Variants in DUSP3 observed in about 807,000 individuals in gnomAD.
DUSP3 encodes dual specificity protein phosphatase 3.
A neutral mutation model predicts 15.5 loss-of-function variants in DUSP3; 7 were observed. The observed-to-expected ratio is 0.45, with a 90% CI of 0.26 to 0.85. The LOEUF is 0.85. DUSP3 is among the 40% of genes least tolerant of loss of function. The probability of loss-of-function intolerance (pLI) is 0.18; values close to 1 mark genes in which losing one functional copy is unlikely to be tolerated. For missense variants in DUSP3, 209 were observed against 251.7 expected (o/e 0.83, Z 1.15); for synonymous variants, 86 against 104.2 (o/e 0.83, Z 1.07).
chr17:43,777,679 C>T (rs1974406406), intron 1 of DUSP3: 1 of 391,964 alleles, frequency 2.6e-6, no homozygotes, highest in Non-Finnish European at 5.2e-6. Context: ...GTAACTGGGT[C>T]CTCAGAGTAT....
At chr17:43,776,601 T>C (rs1442026465) in intron 1 of DUSP3, among the ~76,000 whole-genome samples, 4 of 152,224 alleles carry the variant, frequency 2.6e-5, no homozygotes, top group African/African-American at 9.6e-5. Flanking sequence ...ATCCTCCCTG[T>C]TGAGGAACCC....
chr17:43,775,084 G>T, intron 1 of DUSP3, 146 bp from the exon 2 acceptor site: 1 of 793,230 alleles, frequency 1.3e-6, no homozygotes, highest in East Asian at 2.6e-5. Flanking sequence ...CTCATCTTAT[G>T]ACCTCTTCCC....
In DUSP3 at chr17:43,769,695, G is replaced by A. The variant is rs376755368; in HGVS notation, c.472C>T (p.Arg158Cys). The change falls in exon 3 of 3, where the codon CGT becomes TGT. Residue 158 changes from arginine (R) to cysteine (C), a missense_variant. By Grantham distance (180) the Arg-to-Cys change is radical. Coordinates refer to ENST00000226004, the MANE Select transcript of DUSP3 (RefSeq NM_004090.4). ...AAGCCATCGTTGGGGCCGATCTCACGGTTCTGCCTCACGATGCTCAGGGCA... is the reference window on the plus strand; with the variant it reads ...AAGCCATCGTTGGGGCCGATCTCACAGTTCTGCCTCACGATGCTCAGGGCA... ...KSALSIVRQNREIGPNDGFLA... is the reference protein window; with the variant it reads ...KSALSIVRQNCEIGPNDGFLA... The A allele has an allele frequency of 1.9e-5, 30 of 1,613,814 alleles. No homozygotes were observed. Among genetic ancestry groups the A allele is most frequent in the African/African-American group, 5.3e-5 (4 of 75,028 alleles).
In DUSP3 at chr17:43,769,800, G is replaced by A; in HGVS notation, c.367C>T (p.His123Tyr). Reference sequence around the variant, plus strand: ...GAGCGGCTATAACCTTCCCGGCAGTGGACGAGCACCCGGCCTGTAAGAAAC... The same window carrying A: ...GAGCGGCTATAACCTTCCCGGCAGTAGACGAGCACCCGGCCTGTAAGAAAC... ...LAQKNGRVLV[H>Y]CREGYSRSPT... Residue 123 changes from histidine to tyrosine, a missense_variant, in exon 3 of 3, where the codon CAC becomes TAC. His to Tyr is a moderately conservative substitution (Grantham distance 83). Transcript: ENST00000226004. 6.2e-7 allele frequency: 1 copy of A among 1,614,114 alleles called. No homozygotes were observed. Among genetic ancestry groups the A allele is most frequent in the Non-Finnish European group, 8.5e-7 (1 of 1,180,028 alleles).
At chr17:43,775,231 G>A (rs558980726) in intron 1 of DUSP3, among the ~76,000 whole-genome samples, 5 of 152,178 alleles carry the variant, frequency 3.3e-5, no homozygotes, top group African/African-American at 4.8e-5. Flanking sequence ...CACACCCTCC[G>A]CAGTGTTTGT....
At chr17:43,776,968 C>T (rs921214541) in intron 1 of DUSP3, among the ~76,000 whole-genome samples, 5 of 151,534 alleles carry the variant, frequency 3.3e-5, no homozygotes, top group African/African-American at 1.2e-4. Context: ...ATTCATCTCC[C>T]TTCTCTAATA....
rs923196469 is a variant in DUSP3, at chr17:43,766,585, T to C, written c.*3024A>G. The C allele has an allele frequency of 1.3e-5, 2 of 151,890 alleles. No homozygotes were observed. Among genetic ancestry groups the C allele is most frequent in the African/African-American group, 2.4e-5 (1 of 41,168 alleles). 9.4% of individuals were successfully genotyped at this position (151,890 alleles called of 1,614,324 possible). A position where few individuals can be genotyped will look rare whatever the true frequency, so the allele number is the denominator to read the frequency against. On this transcript the variant is annotated 3_prime_UTR_variant, in exon 3 of 3. Transcript: ENST00000226004. ...TCCCTTTCCAAACCATCCATCACCA[T>C]GGGTGGAAGGCAGCGCCACCTGCTG...
At chr17:43,777,114 A>G (rs1649610528) in intron 1 of DUSP3, among the ~76,000 whole-genome samples, 1 of 152,030 alleles carries the variant, frequency 6.6e-6, no homozygotes, top group Admixed American at 6.6e-5. Flanking sequence ...CTGGGATCAC[A>G]GGCGCCAGGC....
rs986895484 is a variant in DUSP3, at chr17:43,769,433, T to C, written c.*176A>G. 1.5e-6 allele frequency: 1 copy of C among 665,992 alleles called. No individual in the cohort carries two copies. The highest frequency in any genetic ancestry group is 1.8e-5 in the African/African-American group (1 of 54,150). The allele number at this position is 665,992 out of a possible 1,614,324, so 41.3% of individuals were successfully genotyped here. A position where few individuals can be genotyped will look rare whatever the true frequency, so the allele number is the denominator to read the frequency against. On this transcript the variant is annotated 3_prime_UTR_variant, in exon 3 of 3. Coordinates refer to ENST00000226004, the MANE Select transcript of DUSP3 (RefSeq NM_004090.4). Reference sequence around the variant, plus strand: ...AGGACGCCCCCCTTGGCAAGCTTCTTTATGTGCTCCCCAGGGTGGGGAAAG... The same window carrying C: ...AGGACGCCCCCCTTGGCAAGCTTCTCTATGTGCTCCCCAGGGTGGGGAAAG...
chr17:43,775,025 G>A, intron 1 of DUSP3, 87 bp from the exon 2 acceptor site: 1 of 1,382,406 alleles, frequency 7.2e-7, no homozygotes, highest in South Asian at 1.2e-5. Flanking sequence ...AAGCCTCTTA[G>A]CAAAGCAAGG....
chr17:43,772,010 C>CAAAAAA (rs1190299771), intron 2 of DUSP3, among the ~76,000 whole-genome samples: 3 of 64,202 alleles, frequency 4.7e-5, no homozygotes, highest in Non-Finnish European at 7.5e-5. Flanking sequence ...GACTCCGTCT[C>CAAAAAA]AAAAAAAAAA....
Position 43,770,827 on chromosome 17 carries a change from C to T in DUSP3, c.353-1013G>A, listed in dbSNP as rs183532091. On this transcript the variant is annotated intron_variant, in intron 2 of 2. Coordinates refer to ENST00000226004, the MANE Select transcript of DUSP3 (RefSeq NM_004090.4). ...AGGCTGGAGTGCAGTGGCGCGATCTCGGCTCACTTCAGCCTCCGCCTCCCG... is the reference window on the plus strand; with the variant it reads ...AGGCTGGAGTGCAGTGGCGCGATCTTGGCTCACTTCAGCCTCCGCCTCCCG... Among the ~76,000 whole-genome samples, 209 of 151,480 alleles carry T rather than the reference C, an allele frequency of 1.4e-3. 2 individuals are homozygous for T. Among genetic ancestry groups the T allele is most frequent in the Non-Finnish European group, 2.1e-3 (141 of 67,916 alleles).
rs1212975835 is a variant in DUSP3 at position 43,778,976 on chromosome 17, G to T, written c.-52C>A. On this transcript the variant is annotated 5_prime_UTR_variant, in exon 1 of 3. Transcript: ENST00000226004. ...GCAGGAGCAAGCGAGGCGGAGAGCG[G>T]CGGATCAGCTGGGCGGGGGCTCGCG... 7.7e-7 allele frequency: 1 copy of T among 1,299,370 alleles called. No individual in the cohort carries two copies. Among genetic ancestry groups the T allele is most frequent in the Non-Finnish European group, 9.8e-7 (1 of 1,017,836 alleles). 80.5% of individuals were successfully genotyped at this position (1,299,370 alleles called of 1,614,324 possible). A position where few individuals can be genotyped will look rare whatever the true frequency, so the allele number is the denominator to read the frequency against.
intron 2 of DUSP3, among the ~76,000 whole-genome samples, chr17:43,770,477 G>A (rs888086282): frequency 1.8e-4 from 27 of 152,226 alleles, no homozygotes; most frequent in African/African-American, 6.5e-4. Context: ...CCAACATAGT[G>A]AAATCCCGTC....
chr17:43,776,192 A>G (rs1453737915), intron 1 of DUSP3, among the ~76,000 whole-genome samples: 2 of 152,264 alleles, frequency 1.3e-5, no homozygotes, highest in Non-Finnish European at 2.9e-5. Context: ...TTCATCTCAC[A>G]AAACATCCCA....
chr17:43,774,879 G>C lies in DUSP3; in HGVS notation c.185C>G (p.Ala62Gly). The C allele has an allele frequency of 6.2e-7, 1 of 1,614,208 alleles. No individual in the cohort carries two copies. The highest frequency in any genetic ancestry group is 2.2e-5 in the East Asian group (1 of 44,884). ...GTGCATGAAGGACCTGCCCTCAGCC[G>C]CGTTCAGCACATGGGTGATGCCTAG... is the stretch of plus-strand genomic sequence containing the variant. The part of the protein sequence containing the change: ...QKLGITHVLN[A>G]AEGRSFMHVN... Residue 62 changes from alanine (A) to glycine (G), a missense_variant, in exon 2 of 3, where the codon GCG becomes GGG. By Grantham distance (60) the Ala-to-Gly change is moderately conservative. Coordinates refer to ENST00000226004, the MANE Select transcript of DUSP3 (RefSeq NM_004090.4).
chr17:43,772,552 T>C (rs1974332567), intron 2 of DUSP3, among the ~76,000 whole-genome samples: 1 of 152,192 alleles, frequency 6.6e-6, no homozygotes, highest in Admixed American at 6.5e-5. Flanking sequence ...CACCCAGCTC[T>C]CAGTGATGGG....
intron 2 of DUSP3, among the ~76,000 whole-genome samples, chr17:43,772,233 A>G (rs563340670): frequency 6.6e-6 from 1 of 151,942 alleles, no homozygotes; most frequent in African/African-American, 2.4e-5. Context: ...ACACCACTCT[A>G]TTTTCCCAAT....
rs1974283614 is a variant in DUSP3 at position 43,769,483 on chromosome 17, A to T, written c.*126T>A. On this transcript the variant is annotated 3_prime_UTR_variant, in exon 3 of 3. Coordinates refer to ENST00000226004, the MANE Select transcript of DUSP3 (RefSeq NM_004090.4). ...GTGGCCCAGGACTGTGTTGGGACAC[A>T]CTTGTAGACAAGTGCCTTGTGATGC... The T allele has an allele frequency of 8.8e-7, 1 of 1,142,390 alleles. No individual in the cohort carries two copies. Among genetic ancestry groups the T allele is most frequent in the African/African-American group, 1.6e-5 (1 of 64,014 alleles). The allele number at this position is 1,142,390 out of a possible 1,614,324, so 70.8% of individuals were successfully genotyped here. A position where few individuals can be genotyped will look rare whatever the true frequency, so the allele number is the denominator to read the frequency against.
Sources: allele counts gnomAD v4.1 joint callset (sites outside exome capture counted in the v4.1 genomes callset), GRCh38; gene constraint gnomAD v4.1.1; transcripts MANE v1.5; gene names NCBI Gene and HGNC (gene_info 2026-07-23, HGNC 2026-07-21).